RYR2: variants seen among roughly 807,000 people sequenced by gnomAD.
RYR2 encodes ryanodine receptor 2.
A neutral mutation model predicts 601.1 loss-of-function variants in RYR2; 227 were observed. The observed-to-expected ratio is 0.38, with a 90% CI of 0.34 to 0.42. The LOEUF (loss-of-function observed/expected upper bound fraction) is 0.42, where lower values mean the gene tolerates loss of function less well. RYR2 is among the 10% of genes least tolerant of loss of function. The pLI, the probability that RYR2 is intolerant of heterozygous loss-of-function variation, is 1.00. For synonymous variants in RYR2, 2,223 were observed against 2,175.1 expected (o/e 1.02, Z -0.61); for missense variants, 4,646 against 6,156.5 (o/e 0.75, Z 8.21).
At chr1:237,483,197 C>A (rs182529186) in intron 17 of RYR2, among the ~76,000 whole-genome samples, 41 of 152,270 alleles carry the variant, frequency 2.7e-4, no homozygotes, top group African/African-American at 9.4e-4. Flanking sequence ...TCAGTGTTGT[C>A]CATTCAGCAT....
chr1:237,759,774 A>G lies in RYR2; in HGVS notation c.11326-2A>G. On this transcript the variant is annotated splice_acceptor_variant, in intron 82 of 104. Coordinates refer to ENST00000366574, the MANE Select transcript of RYR2 (RefSeq NM_001035.3). LOFTEE classifies it high-confidence loss of function. ...GCCACGTGGTTTCTATAATTCCCAT[A>G]GAAAATGCTTGACTACCTCAAGGAG... is the stretch of plus-strand genomic sequence containing the variant. The G allele has an allele frequency of 6.2e-7, 1 of 1,605,532 alleles. No homozygotes were observed. Among genetic ancestry groups the G allele is most frequent in the Non-Finnish European group, 8.5e-7 (1 of 1,172,282 alleles).
At chr1:237,687,000 A>G (rs1323642565) in intron 62 of RYR2, among the ~76,000 whole-genome samples, 2 of 152,218 alleles carry the variant, frequency 1.3e-5, no homozygotes, top group East Asian at 1.9e-4. Context: ...GTAACATTGT[A>G]TGCCCGAAGC....
chr1:237,692,892 C>A (rs185315984), intron 63 of RYR2, among the ~76,000 whole-genome samples: 9 of 152,296 alleles, frequency 5.9e-5, no homozygotes, highest in Non-Finnish European at 1.2e-4. Flanking sequence ...TCTCTCTTCT[C>A]TCGCATAAAC....
chr1:237,749,844 G>T (rs1692393981), intron 80 of RYR2, among the ~76,000 whole-genome samples: 1 of 152,064 alleles, frequency 6.6e-6, no homozygotes, highest in African/African-American at 2.4e-5. Context: ...ACACAAAAAT[G>T]TTTTATAGAA....
chr1:237,710,169 A>G (rs555181465), intron 70 of RYR2, among the ~76,000 whole-genome samples: 1 of 152,192 alleles, frequency 6.6e-6, no homozygotes, highest in Non-Finnish European at 1.5e-5. Context: ...AATCATAACA[A>G]TCGTATAGTA....
At chr1:237,653,769 C>T (rs773706526) in intron 51 of RYR2, among the ~76,000 whole-genome samples, 27 of 152,242 alleles carry the variant, frequency 1.8e-4, no homozygotes, top group Middle Eastern at 3.4e-3. Context: ...AGTCTGTGGC[C>T]GAAGGCCCGT....
chr1:237,652,419 G>A (rs1682851016), intron 51 of RYR2, among the ~76,000 whole-genome samples: 1 of 152,038 alleles, frequency 6.6e-6, no homozygotes, highest in Non-Finnish European at 1.5e-5. Flanking sequence ...ATATAGTAAT[G>A]TGATGGATTT....
rs562493836 is a variant in RYR2, at chr1:237,441,650, A to G, written c.1170+167A>G. On this transcript the variant is annotated intron_variant, in intron 13 of 104. Coordinates refer to ENST00000366574, the MANE Select transcript of RYR2 (RefSeq NM_001035.3). ...TAGACTCTTTAGCTTTGTAAAGTGA[A>G]CAGAGTTGGATGTTACATCACTCAT... 7.0e-4 allele frequency among the ~76,000 whole-genome samples: 106 copies of G among 152,300 alleles called. 1 individual carries two copies. The Middle Eastern group carries it at 0.031, about 44-fold the overall frequency.
rs74503433 is a variant in RYR2 at position 237,691,266 on chromosome 1, T to C, written c.9067+3762T>C. On this transcript the variant is annotated intron_variant, in intron 63 of 104. Coordinates refer to ENST00000366574, the MANE Select transcript of RYR2 (RefSeq NM_001035.3). ...AGAAAATACTTGAGTTTTGTGATGA[T>C]CAGAGAAGGTAAGGATGTAGAAAGA... Among the ~76,000 whole-genome samples the C allele has an allele frequency of 3.6e-3, 551 of 152,174 alleles. 6 individuals carry two copies. Among genetic ancestry groups the C allele is most frequent in the African/African-American group, 0.012 (510 of 41,512 alleles).
intron 61 of RYR2, among the ~76,000 whole-genome samples, chr1:237,679,476 CA>C (rs1388210186): frequency 1.3e-5 from 2 of 152,150 alleles, no homozygotes; most frequent in African/African-American, 4.8e-5. Context: ...TTTAGATAGA[CA>C]TGAGTTTGAA....
chr1:237,422,411 CTT>C (rs1705689719), intron 11 of RYR2, among the ~76,000 whole-genome samples: 3 of 152,070 alleles, frequency 2.0e-5, no homozygotes, highest in Admixed American at 1.3e-4. Flanking sequence ...ATGATCATAA[CTT>C]ATCATTTTAC....
intron 28 of RYR2, among the ~76,000 whole-genome samples, chr1:237,566,987 A>G (rs1458258998): frequency 2.0e-5 from 3 of 152,206 alleles, no homozygotes; most frequent in Non-Finnish European, 4.4e-5. Flanking sequence ...TTGCTTTTCC[A>G]TGGTTATCAA....
At chr1:237,192,700 A>T (rs1427426011) in intron 1 of RYR2, among the ~76,000 whole-genome samples, 1 of 152,216 alleles carries the variant, frequency 6.6e-6, no homozygotes, top group Non-Finnish European at 1.5e-5. Context: ...AGGAAGGTAG[A>T]GGGCATTTAT....
chr1:237,222,169 C>T (rs1321697514), intron 1 of RYR2, among the ~76,000 whole-genome samples: 1 of 152,076 alleles, frequency 6.6e-6, no homozygotes, highest in African/African-American at 2.4e-5. Context: ...AATCCCAGCA[C>T]TTTGGGAGGC....
chr1:237,183,967 C>A (rs1230907639), intron 1 of RYR2, among the ~76,000 whole-genome samples: 1 of 152,174 alleles, frequency 6.6e-6, no homozygotes, highest in Non-Finnish European at 1.5e-5. Context: ...AACTCTGAAA[C>A]TCCAGCTGCA....
At chr1:237,575,849 TATC>T (rs1219390768) in intron 29 of RYR2, among the ~76,000 whole-genome samples, 2 of 152,188 alleles carry the variant, frequency 1.3e-5, no homozygotes, top group Non-Finnish European at 2.9e-5. Flanking sequence ...GGGACGAATT[TATC>T]ATCATTCGAA....
intron 23 of RYR2, among the ~76,000 whole-genome samples, chr1:237,509,095 A>C (rs1406903077): frequency 6.6e-6 from 1 of 152,180 alleles, no homozygotes; most frequent in Non-Finnish European, 1.5e-5. Flanking sequence ...TCTTGCCCGC[A>C]ACTGACTCAA....
chr1:237,269,758 G>A lies in RYR2; in HGVS notation c.49-739G>A, dbSNP rs181638993. Among the ~76,000 whole-genome samples, 62 of 152,248 alleles carry A rather than the reference G, an allele frequency of 4.1e-4. No homozygotes were observed. In the East Asian group the frequency reaches 0.011, roughly 27 times the overall value. ...AACCTAGTACATGGTGAGCTGGGATGGGAATCCAGATCTTGCTTGTCCTAA... is the reference window on the plus strand; with the variant it reads ...AACCTAGTACATGGTGAGCTGGGATAGGAATCCAGATCTTGCTTGTCCTAA... On this transcript the variant is annotated intron_variant, in intron 1 of 104. Transcript: ENST00000366574.
At chr1:237,109,379 A>G (rs1669164212) in intron 1 of RYR2, among the ~76,000 whole-genome samples, 1 of 152,042 alleles carries the variant, frequency 6.6e-6, no homozygotes, top group Admixed American at 6.6e-5. Context: ...ATATGCAGTT[A>G]AATTCAGGCA....
Sources: allele counts gnomAD v4.1 joint callset (sites outside exome capture counted in the v4.1 genomes callset), GRCh38; gene constraint gnomAD v4.1.1; transcripts MANE v1.5; gene names NCBI Gene and HGNC (gene_info 2026-07-23, HGNC 2026-07-21).